TMEM161A: variants seen among roughly 807,000 people sequenced by gnomAD.
The protein encoded by TMEM161A is adaptive response to oxidative stress protein 29.
A neutral mutation model predicts 57.1 loss-of-function variants in TMEM161A; 46 were observed. The observed-to-expected ratio is 0.81, with a 90% CI of 0.64 to 1.03. The LOEUF (loss-of-function observed/expected upper bound fraction) is 1.03. Ranked by LOEUF, TMEM161A falls within the 50% of genes least tolerant of loss-of-function variation. The pLI, the probability that TMEM161A is intolerant of heterozygous loss-of-function variation, is 0.00. For missense variants in TMEM161A, 601 were observed against 621.5 expected (o/e 0.97, Z 0.35); for synonymous variants, 288 against 279.0 (o/e 1.03, Z -0.32).
chr19:19,137,250 TCTC>T (rs1250380983), intron 1 of TMEM161A, among the ~76,000 whole-genome samples: 2 of 152,082 alleles, frequency 1.3e-5, no homozygotes, highest in Non-Finnish European at 2.9e-5. Context: ...AGCTCAGCTC[TCTC>T]CTCAGCCCTC....
At chr19:19,131,992 A>G (rs907500101) in intron 5 of TMEM161A, among the ~76,000 whole-genome samples, 6 of 152,192 alleles carry the variant, frequency 3.9e-5, no homozygotes, top group African/African-American at 1.2e-4. Flanking sequence ...CCAAGGGACC[A>G]TATCTTTCTT....
At chr19:19,133,095 C>T in intron 3 of TMEM161A, 35 bp downstream of exon 3, 3 of 1,601,614 alleles carry the variant, frequency 1.9e-6, no homozygotes, top group Non-Finnish European at 2.6e-6. Flanking sequence ...AGGAGCCACC[C>T]TCCCAAGGCT....
Position 19,121,102 on chromosome 19 carries a change from G to A in TMEM161A, c.979C>T (p.Leu327=), listed in dbSNP as rs1453235123. 3.7e-6 allele frequency: 6 copies of A among 1,611,804 alleles called. No homozygotes were observed. In the Admixed American group the frequency reaches 1.0e-4, roughly 27 times the overall value. Residue 327 remains leucine, a synonymous_variant, in exon 10 of 12, where the codon CTG becomes TTG. Coordinates refer to ENST00000162044, the MANE Select transcript of TMEM161A (RefSeq NM_017814.3). This position sits in a 1 kb window ranked among gnomAD's most constrained non-coding sequence, Gnocchi z 5.8. ...WLLVVLCLLR[L]AVTRPHLQAY... ...TGCAGGTGGGGCCGGGTCACCGCCA[G>A]CCGCAGCAGGCACAGCACCACCAGC...
At chr19:19,124,354 A>C (rs1300789763) in intron 6 of TMEM161A, among the ~76,000 whole-genome samples, 2 of 152,186 alleles carry the variant, frequency 1.3e-5, no homozygotes, top group Non-Finnish European at 2.9e-5. Context: ...TTCAATTAGA[A>C]CATGTGAAAA....
rs758386851 is a variant in TMEM161A at position 19,133,137 on chromosome 19, T to A, written c.181A>T (p.Lys61Ter). The change falls in exon 3 of 12, where the codon AAA becomes TAA. Residue 61 changes from lysine (K) to a stop codon, truncating the protein, a stop_gained. Coordinates refer to ENST00000162044, the MANE Select transcript of TMEM161A (RefSeq NM_017814.3). LOFTEE classifies it high-confidence loss of function. ...GGGGCCCAGGTCACTCACCGCTCTT[T>A]CCTGCCTCTGGGCCTCGGCTTCCCC... Reference protein sequence around the residue: ...LAGKPRPRGRKERWANGLSEE... With the variant: ...LAGKPRPRGR 6.2e-7 allele frequency: 1 copy of A among 1,613,946 alleles called. No individual in the cohort carries two copies. Among genetic ancestry groups the A allele is most frequent in the African/African-American group, 1.3e-5 (1 of 74,940 alleles).
At chr19:19,125,837 A>G (rs1382475360) in intron 6 of TMEM161A, among the ~76,000 whole-genome samples, 1 of 151,582 alleles carries the variant, frequency 6.6e-6, no homozygotes, top group Non-Finnish European at 1.5e-5. Flanking sequence ...ATTTTCTTCT[A>G]AAATATTTCA....
rs762682404 is a variant in TMEM161A, at chr19:19,121,487, C to T, written c.800+38G>A. The T allele has an allele frequency of 3.1e-6, 5 of 1,613,366 alleles. No individual in the cohort carries two copies. In the East Asian group the frequency reaches 6.7e-5, roughly 22 times the overall value. ...CCTCTCCTCGAGTCTCTCCCTTAAGCTCCCTAGTCCCCCCACCCACCAAGC... is the reference window on the plus strand; with the variant it reads ...CCTCTCCTCGAGTCTCTCCCTTAAGTTCCCTAGTCCCCCCACCCACCAAGC... On this transcript the variant is annotated intron_variant, in intron 8 of 11. Coordinates refer to ENST00000162044, the MANE Select transcript of TMEM161A (RefSeq NM_017814.3). This position sits in a 1 kb window ranked among gnomAD's most constrained non-coding sequence, Gnocchi z 5.8.
At chr19:19,122,103 G>A (rs775648748) in intron 6 of TMEM161A, among the ~76,000 whole-genome samples, 4 of 152,138 alleles carry the variant, frequency 2.6e-5, no homozygotes, top group Non-Finnish European at 5.9e-5. Flanking sequence ...GACCAGCCTG[G>A]CCAATGCAGT....
Position 19,121,209 on chromosome 19 carries a change from C to A in TMEM161A, c.915-43G>T. The A allele has an allele frequency of 6.4e-7, 1 of 1,556,316 alleles. No homozygotes were observed. The highest frequency in any genetic ancestry group is 1.2e-5 in the South Asian group (1 of 84,816). On this transcript the variant is annotated intron_variant, in intron 9 of 11. Coordinates refer to ENST00000162044, the MANE Select transcript of TMEM161A (RefSeq NM_017814.3). The surrounding 1 kb of genome is among the most constrained non-coding windows in gnomAD (Gnocchi z 5.8). The stretch of plus-strand genomic sequence containing the variant: ...GGGGCAAGGGACTAAGAAGGTCGCC[C>A]CCGACCCCCCAGGATCTTCCCCAGG...
chr19:19,125,655 T>G (rs931728108), intron 6 of TMEM161A, among the ~76,000 whole-genome samples: 2 of 151,650 alleles, frequency 1.3e-5, no homozygotes, highest in African/African-American at 2.4e-5. Flanking sequence ...TAGCTGGGAC[T>G]ACAGGCGCCT....
chr19:19,120,185 TAGG>T lies in TMEM161A; in HGVS notation c.1187-5_1187-3del, dbSNP rs745962718. The T allele has an allele frequency of 9.1e-6, 14 of 1,541,542 alleles. No individual in the cohort carries two copies. The highest frequency in any genetic ancestry group is 3.6e-4 in the Middle Eastern group (2 of 5,552). On this transcript the variant is annotated splice_polypyrimidine_tract_variant and splice_region_variant and intron_variant, in intron 11 of 11. Coordinates refer to ENST00000162044, the MANE Select transcript of TMEM161A (RefSeq NM_017814.3). Reference sequence around the variant, plus strand: ...GGCCCAGGCCCCAGGAATAGCCTCCTAGGAGAAGAGGATGAAGCGAGGTATGAG... The same window carrying T: ...GGCCCAGGCCCCAGGAATAGCCTCCTAGAAGAGGATGAAGCGAGGTATGAG...
intron 5 of TMEM161A, 75 bp from the exon 6 acceptor site, chr19:19,130,382 C>A: frequency 1.9e-6 from 3 of 1,575,622 alleles, no homozygotes; most frequent in Non-Finnish European, 2.6e-6. Context: ...CGTCTGGGAC[C>A]CCAGAACTCC....
At chr19:19,137,493 C>A (rs1223123094) in intron 1 of TMEM161A, among the ~76,000 whole-genome samples, 1 of 152,216 alleles carries the variant, frequency 6.6e-6, no homozygotes, top group Non-Finnish European at 1.5e-5. Flanking sequence ...TTTCTGGAGT[C>A]TTCCATCAGC....
chr19:19,119,815 G>T lies in TMEM161A; in HGVS notation c.*115C>A. The T allele has an allele frequency of 7.4e-7, 1 of 1,347,388 alleles. No individual in the cohort carries two copies. Among genetic ancestry groups the T allele is most frequent in the Non-Finnish European group, 1.0e-6 (1 of 998,524 alleles). The allele number at this position is 1,347,388 out of a possible 1,614,324, so 83.5% of individuals were successfully genotyped here. On this transcript the variant is annotated 3_prime_UTR_variant, in exon 12 of 12. Transcript: ENST00000162044. ...CAGGCACTGTGGTGAAGGGAACGCC[G>T]GGGAGTCCGGCCCCACCTTGCAGCT...
chr19:19,130,503 G>C, intron 5 of TMEM161A, 196 bp from the exon 6 acceptor site: 1 of 641,220 alleles, frequency 1.6e-6, no homozygotes, highest in East Asian at 2.8e-5. Context: ...CGTTGAGTGG[G>C]AGATGGCCTC....
chr19:19,121,889 C>T lies in TMEM161A; in HGVS notation c.596-70G>A, dbSNP rs1273062588. 9 of 1,535,536 alleles carry T rather than the reference C, an allele frequency of 5.9e-6. No individual in the cohort carries two copies. In the East Asian group the frequency reaches 1.8e-4, roughly 31 times the overall value. On this transcript the variant is annotated intron_variant, in intron 6 of 11. Transcript: ENST00000162044. This position sits in a 1 kb window ranked among gnomAD's most constrained non-coding sequence, Gnocchi z 5.8. ...TCTCTAAGGCCACTCTGTTCCCTAA[C>T]CCCCCATCCCTCAGGCATCCGTTTG...
intron 11 of TMEM161A, 27 bp from the exon 12 acceptor site, chr19:19,120,210 T>C (rs200895569): frequency 1.3e-6 from 2 of 1,505,494 alleles, no homozygotes; most frequent in Middle Eastern, 2.0e-4. Context: ...AAGCGAGGTA[T>C]GAGTGGAAAA....
chr19:19,122,585 C>T (rs1306482153), intron 6 of TMEM161A, among the ~76,000 whole-genome samples: 1 of 151,932 alleles, frequency 6.6e-6, no homozygotes, highest in Non-Finnish European at 1.5e-5. Context: ...TTGAGACCAG[C>T]CTGGGCAACA....
intron 1 of TMEM161A, among the ~76,000 whole-genome samples, chr19:19,137,270 C>A (rs567913115): frequency 3.0e-4 from 45 of 152,230 alleles, no homozygotes; most frequent in African/African-American, 1.1e-3. Flanking sequence ...CCTCCCTGCA[C>A]CCAACCACTG....
Sources: gnomAD v4.1 joint callset for allele counts (sites outside exome capture counted in the v4.1 genomes callset) on GRCh38, gnomAD v4.1.1 for gene constraint, Gnocchi (gnomAD v3.1) non-coding constraint, MANE v1.5 for transcripts, NCBI Gene and HGNC (gene_info 2026-07-23, HGNC 2026-07-21) for gene names.